The following CNOT10 variants were observed in gnomAD, a reference collection of about 807,000 sequenced individuals.
CNOT10 encodes CCR4-NOT transcription complex, subunit 10.
A neutral mutation model predicts 94.6 loss-of-function variants in CNOT10; 30 were observed. The ratio of observed to expected loss-of-function variants is 0.32; its 90% confidence interval spans 0.24 to 0.43. The LOEUF (loss-of-function observed/expected upper bound fraction) is 0.43, where lower values mean the gene tolerates loss of function less well. Ranked by LOEUF, CNOT10 falls within the 20% of genes least tolerant of loss-of-function variation. The pLI, the probability that CNOT10 is intolerant of heterozygous loss-of-function variation, is 1.00. For synonymous variants in CNOT10, 289 were observed against 301.6 expected (o/e 0.96, Z 0.43); for missense variants, 759 against 877.2 (o/e 0.87, Z 1.70).
At chr3:32,753,065 T>A (rs1281313205) in intron 13 of CNOT10, 1 of 511,344 alleles carries the variant, frequency 2.0e-6, no homozygotes, top group Non-Finnish European at 3.8e-6. Flanking sequence ...GTCAAAGAGC[T>A]TATTGTCACA....
At chr3:32,764,414 C>G in intron 15 of CNOT10, 41 bp from the exon 16 acceptor site, 1 of 1,604,594 alleles carries the variant, frequency 6.2e-7, no homozygotes, top group Non-Finnish European at 8.5e-7. Flanking sequence ...AAAATATGCT[C>G]TGTTGTTCTG....
At chr3:32,731,722 C>T (rs1200688467) in intron 10 of CNOT10, among the ~76,000 whole-genome samples, 2 of 152,124 alleles carry the variant, frequency 1.3e-5, no homozygotes, top group Non-Finnish European at 2.9e-5. Flanking sequence ...AGCGATCCAC[C>T]CGCCTCAGCC....
chr3:32,687,464 T>TTTTTTTTTTTTTTTTTTTTG (rs1559471812), intron 1 of CNOT10, among the ~76,000 whole-genome samples: 3 of 67,982 alleles, frequency 4.4e-5, no homozygotes, highest in Admixed American at 1.6e-4. Flanking sequence ...TTTTTTTTTT[T>TTTTTTTTTTTTTTTTTTTTG]TTTTTGAGAC....
intron 12 of CNOT10, among the ~76,000 whole-genome samples, chr3:32,735,330 G>GCGAGAA (rs1423196399): frequency 7.0e-6 from 1 of 143,672 alleles, no homozygotes; most frequent in African/African-American, 2.8e-5. Flanking sequence ...TGGCGACAGA[G>GCGAGAA]TGAGACTTCA....
chr3:32,718,305 C>T (rs1698215412), intron 7 of CNOT10, among the ~76,000 whole-genome samples: 1 of 147,266 alleles, frequency 6.8e-6, no homozygotes. Context: ...TAATTCCTAG[C>T]CAGGCGCGGT....
At chr3:32,690,813 C>T (rs1260368444) in intron 1 of CNOT10, among the ~76,000 whole-genome samples, 1 of 152,074 alleles carries the variant, frequency 6.6e-6, no homozygotes, top group East Asian at 1.9e-4. Context: ...TCCCAAAGTG[C>T]TGGGATTACA....
Position 32,759,549 on chromosome 3 carries a change from C to T in CNOT10, c.1687C>T (p.Pro563Ser), listed in dbSNP as rs1700357256. Residue 563 changes from proline to serine, a missense_variant, in exon 14 of 19, where the codon CCC becomes TCC. Transcript: ENST00000328834. The stretch of plus-strand genomic sequence containing the variant: ...TCATGCAGATAAACTTCTTCAGCAG[C>T]CCAAGCTGTCAGGATCTCTTAAGTA... Reference protein sequence around the residue: ...LNHADKLLQQPKLSGSLKFLG... With the variant: ...LNHADKLLQQSKLSGSLKFLG... 6.2e-7 allele frequency: 1 copy of T among 1,613,724 alleles called. No individual in the cohort carries two copies.
chr3:32,720,648 A>G (rs912230401), intron 8 of CNOT10, among the ~76,000 whole-genome samples: 3 of 151,540 alleles, frequency 2.0e-5, no homozygotes, highest in Admixed American at 2.0e-4. Context: ...ATGCACCACC[A>G]TGCCTGGCTT....
At position 32,734,891 on chromosome 3, in the gene CNOT10, C is replaced by T; in HGVS notation, c.1429C>T (p.Gln477Ter). The T allele has an allele frequency of 6.2e-7, 1 of 1,613,970 alleles. No homozygotes were observed. Among genetic ancestry groups the T allele is most frequent in the Non-Finnish European group, 8.5e-7 (1 of 1,179,916 alleles). ...NALLLLPEEQ[Q>*]DPKQENGAKN... ...CTTGTTGCTGCTACCTGAAGAACAG[C>T]AAGATCCAAAGCAGGAAAATGGGGC... The change falls in exon 12 of 19, where the codon CAA becomes TAA. Residue 477 changes from glutamine to a stop codon, truncating the protein, a stop_gained. Coordinates refer to ENST00000328834, the MANE Select transcript of CNOT10 (RefSeq NM_015442.3). LOFTEE classifies it high-confidence loss of function.
At chr3:32,718,585 A>AG (rs1457266922) in intron 7 of CNOT10, among the ~76,000 whole-genome samples, 1 of 136,040 alleles carries the variant, frequency 7.4e-6, no homozygotes, top group Non-Finnish European at 1.6e-5. Flanking sequence ...CTCATTCTCA[A>AG]AAAAAAAAAA....
intron 8 of CNOT10, among the ~76,000 whole-genome samples, chr3:32,724,091 A>G (rs1698541655): frequency 2.0e-5 from 3 of 152,152 alleles, no homozygotes; most frequent in Admixed American, 2.0e-4. Flanking sequence ...GAGAAAGAAA[A>G]AAATTAATAC....
At chr3:32,754,222 A>G (rs189231940) in intron 13 of CNOT10, among the ~76,000 whole-genome samples, 1 of 151,966 alleles carries the variant, frequency 6.6e-6, no homozygotes, top group Admixed American at 6.6e-5. Context: ...TCACGCCTGT[A>G]ATCCCAGCAC....
intron 8 of CNOT10, among the ~76,000 whole-genome samples, chr3:32,720,859 C>CCCTTCCCT (rs1553632558): frequency 7.3e-6 from 1 of 137,882 alleles, no homozygotes. Flanking sequence ...CTCCCTTCCT[C>CCCTTCCCT]CCTTCCCTCC....
intron 13 of CNOT10, among the ~76,000 whole-genome samples, chr3:32,756,978 C>T (rs1472691019): frequency 4.0e-5 from 6 of 151,420 alleles, no homozygotes; most frequent in South Asian, 2.1e-4. Flanking sequence ...TGGTGGCGGG[C>T]ACCTGTAATC....
chr3:32,689,408 G>GT (rs1559472704), intron 1 of CNOT10, among the ~76,000 whole-genome samples: 2 of 151,956 alleles, frequency 1.3e-5, no homozygotes, highest in East Asian at 3.9e-4. Flanking sequence ...TGAAAGCCTT[G>GT]TTTTTCAGAT....
At chr3:32,773,214 C>A (rs921495838) in intron 18 of CNOT10, among the ~76,000 whole-genome samples, 1 of 152,164 alleles carries the variant, frequency 6.6e-6, no homozygotes, top group African/African-American at 2.4e-5. Flanking sequence ...TCTACCTGGG[C>A]TATACCTTAG....
At position 32,750,384 on chromosome 3, in the gene CNOT10, A is replaced by T. The variant is rs116554826; in HGVS notation, c.1596-9074A>T. On this transcript the variant is annotated intron_variant, in intron 13 of 18. Coordinates refer to ENST00000328834, the MANE Select transcript of CNOT10 (RefSeq NM_015442.3). The stretch of plus-strand genomic sequence containing the variant: ...GTGTTGTGTGCCTATAGTCTCAGCT[A>T]CTCAGGAGGCTAAGACAGAATTGCT... 7.4e-3 allele frequency among the ~76,000 whole-genome samples: 1,131 copies of T among 152,004 alleles called. 13 individuals are homozygous for T. The highest frequency in any genetic ancestry group is 0.026 in the African/African-American group (1,094 of 41,480).
At chr3:32,705,023 T>A in intron 3 of CNOT10, 51 bp downstream of exon 3, 1 of 1,216,686 alleles carries the variant, frequency 8.2e-7, no homozygotes. Context: ...GTTCTTTAAT[T>A]TATGAAACAC....
At chr3:32,741,496 G>A (rs1397942232) in intron 13 of CNOT10, among the ~76,000 whole-genome samples, 5 of 152,176 alleles carry the variant, frequency 3.3e-5, no homozygotes, top group South Asian at 4.1e-4. Flanking sequence ...AAGGCCAGGC[G>A]TGGTGGCTCA....
Sources: allele counts gnomAD v4.1 joint callset (sites outside exome capture counted in the v4.1 genomes callset), GRCh38; gene constraint gnomAD v4.1.1; transcripts MANE v1.5; gene names NCBI Gene and HGNC (gene_info 2026-07-23, HGNC 2026-07-21).